GRB2: variants seen among roughly 807,000 people sequenced by gnomAD.
GRB2 encodes the protein growth factor receptor-bound protein 2.
Under a neutral mutation model 27.4 loss-of-function variants are expected in GRB2, and 2 were observed. The ratio of observed to expected loss-of-function variants is 0.07; its 90% CI spans 0.03 to 0.23. The LOEUF is 0.23. Among genes scored for constraint, GRB2 ranks in the 10% least tolerant of loss-of-function variants. The pLI, the probability that GRB2 is intolerant of heterozygous loss-of-function variation, is 1.00. For missense variants in GRB2, 102 were observed against 282.4 expected (o/e 0.36, Z 4.58); for synonymous variants, 94 against 99.6 (o/e 0.94, Z 0.33).
intron 2 of GRB2, among the ~76,000 whole-genome samples, chr17:75,362,062 G>GGCATAA (rs2078785945): frequency 6.6e-6 from 1 of 151,922 alleles, no homozygotes; most frequent in Admixed American, 6.6e-5. Context: ...AATCCTAAGA[G>GGCATAA]TACCCACTGG....
intron 2 of GRB2, among the ~76,000 whole-genome samples, chr17:75,375,592 TAGAA>T (rs1427360787): frequency 2.0e-5 from 3 of 152,028 alleles, no homozygotes; most frequent in Non-Finnish European, 4.4e-5. Flanking sequence ...ACAATGAAAA[TAGAA>T]ATCAGCCGGG....
rs148012872 is a variant in GRB2 at position 75,342,785 on chromosome 17, G to A, written c.79-9988C>T. Reference sequence around the variant, plus strand: ...AAGTAGGCTGGGTGCAGTGGCTCACGCCTGTAAAATTTCAGCACTCCAGGA... The same window carrying A: ...AAGTAGGCTGGGTGCAGTGGCTCACACCTGTAAAATTTCAGCACTCCAGGA... On this transcript the variant is annotated intron_variant, in intron 2 of 5. Transcript: ENST00000316804. 1.6e-3 allele frequency among the ~76,000 whole-genome samples: 246 copies of A among 152,190 alleles called. 1 individual carries two copies. The East Asian group carries it at 0.023, about 14-fold the overall frequency.
At chr17:75,403,607 T>C (rs1448706499) in intron 1 of GRB2, among the ~76,000 whole-genome samples, 7 of 151,460 alleles carry the variant, frequency 4.6e-5, no homozygotes, top group Admixed American at 3.9e-4. Context: ...TTTACAAAAA[T>C]ACAAAAATTA....
At chr17:75,399,653 C>T (rs1055339451) in intron 1 of GRB2, among the ~76,000 whole-genome samples, 2 of 147,616 alleles carry the variant, frequency 1.4e-5, no homozygotes, top group African/African-American at 5.0e-5. Context: ...GGCCGTGAGC[C>T]ACCGCGCCCG....
At chr17:75,333,842 G>A (rs2078557452) in intron 2 of GRB2, among the ~76,000 whole-genome samples, 1 of 152,176 alleles carries the variant, frequency 6.6e-6, no homozygotes, top group East Asian at 1.9e-4. Flanking sequence ...CTGAACCACT[G>A]CATTCTACAG....
At chr17:75,389,978 G>A (rs1406247188) in intron 2 of GRB2, among the ~76,000 whole-genome samples, 2 of 152,116 alleles carry the variant, frequency 1.3e-5, no homozygotes, top group South Asian at 2.1e-4. Flanking sequence ...AGCTTCTGAA[G>A]GGAGAAAGTA....
intron 2 of GRB2, among the ~76,000 whole-genome samples, chr17:75,348,389 A>G (rs1338948859): frequency 6.6e-6 from 1 of 152,196 alleles, no homozygotes; most frequent in Non-Finnish European, 1.5e-5. Context: ...GTGAAGGTAT[A>G]AAAACCTCAG....
chr17:75,374,337 G>A (rs2078877150), intron 2 of GRB2, among the ~76,000 whole-genome samples: 1 of 147,998 alleles, frequency 6.8e-6, no homozygotes, highest in Non-Finnish European at 1.5e-5. Context: ...CCGGGAGGCG[G>A]AGGTTGCAGT....
chr17:75,371,413 G>C (rs2078855912), intron 2 of GRB2: 1 of 152,166 alleles, frequency 6.6e-6, no homozygotes, highest in South Asian at 2.1e-4. Flanking sequence ...GTGACACAAA[G>C]AGGATATCAA....
At position 75,332,884 on chromosome 17, in the gene GRB2, G is replaced by T. The variant is rs34535186; in HGVS notation, c.79-87C>A. 170 of 844,470 alleles carry T rather than the reference G, an allele frequency of 2.0e-4. No individual in the cohort carries two copies. In the East Asian group the frequency reaches 4.3e-3, roughly 21 times the overall value. The allele number at this position is 844,470 out of a possible 1,614,324, so 52.3% of individuals were successfully genotyped here. On this transcript the variant is annotated intron_variant, in intron 2 of 5. Transcript: ENST00000316804. ...TACAAGACAATTATGCTATCTTTTA[G>T]GTCTGTGAACGGTTTCACTCGAAGT...
chr17:75,368,026 T>C (rs529631970), intron 2 of GRB2, among the ~76,000 whole-genome samples: 1 of 151,932 alleles, frequency 6.6e-6, no homozygotes, highest in African/African-American at 2.4e-5. Context: ...ACGATTCTCA[T>C]GCCTCAGCCT....
chr17:75,327,710 T>C (rs901511338), intron 3 of GRB2, among the ~76,000 whole-genome samples: 4 of 152,104 alleles, frequency 2.6e-5, no homozygotes, highest in Non-Finnish European at 5.9e-5. Context: ...TTGGAAGATG[T>C]ACCTAAAATA....
chr17:75,373,568 A>G (rs2078869944), intron 2 of GRB2: 1 of 152,192 alleles, frequency 6.6e-6, no homozygotes, highest in Admixed American at 6.5e-5. Context: ...TGGACAAAGC[A>G]GTCCTGAGTG....
intron 1 of GRB2, among the ~76,000 whole-genome samples, chr17:75,399,230 G>A (rs990214497): frequency 6.7e-6 from 1 of 150,128 alleles, no homozygotes; most frequent in Non-Finnish European, 1.5e-5. Flanking sequence ...GTGTGTGTGT[G>A]TGTGTGGTGA....
At chr17:75,334,903 G>A (rs1451148138) in intron 2 of GRB2, among the ~76,000 whole-genome samples, 1 of 150,744 alleles carries the variant, frequency 6.6e-6, no homozygotes, top group East Asian at 1.9e-4. Context: ...GCCCAGTCTG[G>A]AGTACAGTGA....
At chr17:75,331,782 AAAAAGTTTAGCC>A (rs942821245) in intron 3 of GRB2, among the ~76,000 whole-genome samples, 3 of 152,214 alleles carry the variant, frequency 2.0e-5, no homozygotes, top group Admixed American at 2.0e-4. Flanking sequence ...CTCTTCACAG[AAAAAGTTTAGCC>A]AACCCTTGAC....
chr17:75,343,189 T>A (rs914668265), intron 2 of GRB2, among the ~76,000 whole-genome samples: 3 of 151,728 alleles, frequency 2.0e-5, no homozygotes, highest in African/African-American at 7.3e-5. Context: ...GTCCTATTAA[T>A]CCCTCTCAGG....
At chr17:75,351,824 T>G (rs1454296520) in intron 2 of GRB2, among the ~76,000 whole-genome samples, 1 of 152,172 alleles carries the variant, frequency 6.6e-6, no homozygotes, top group African/African-American at 2.4e-5. Context: ...TCATAACCAA[T>G]TACCAATTCA....
chr17:75,342,525 C>A (rs2145834034), intron 2 of GRB2, among the ~76,000 whole-genome samples: 1 of 152,228 alleles, frequency 6.6e-6, no homozygotes, highest in East Asian at 1.9e-4. Flanking sequence ...CCACCTCAGC[C>A]TCCCAAAGTG....
Sources: allele counts gnomAD v4.1 joint callset (sites outside exome capture counted in the v4.1 genomes callset), GRCh38; gene constraint gnomAD v4.1.1; transcripts MANE v1.5; gene names NCBI Gene and HGNC (gene_info 2026-07-23, HGNC 2026-07-21).